Variants in SLC2A14 observed in about 807,000 individuals in gnomAD.
The protein encoded by SLC2A14 is solute carrier family 2, facilitated glucose transporter member 14.
In SLC2A14, 13 loss-of-function variants were observed where a neutral mutation model predicts 43.0. That is an observed-to-expected ratio of 0.30 (90% CI 0.20 to 0.48). The LOEUF (loss-of-function observed/expected upper bound fraction) is 0.48. Among genes scored for constraint, SLC2A14 ranks in the 20% least tolerant of loss-of-function variants. The pLI is 0.99. For missense variants in SLC2A14, 428 were observed against 620.4 expected (o/e 0.69, Z 3.29); for synonymous variants, 190 against 233.8 (o/e 0.81, Z 1.71).
upstream of SLC2A14, chr12:7,873,141 G>A: frequency 9.1e-6 from 9 of 985,716 alleles, no homozygotes; most frequent in Non-Finnish European, 1.1e-5. Context: ...GCCCCCTCAG[G>A]CGTCTTCCTG....
At chr12:7,839,416 CG>C (rs1471687676) in intron 2 of SLC2A14, among the ~76,000 whole-genome samples, 4 of 152,116 alleles carry the variant, frequency 2.6e-5, no homozygotes, top group East Asian at 3.9e-4. Flanking sequence ...TGGAGTGAAG[CG>C]GGGGCAGAGT....
At chr12:7,827,270 C>CTT (rs71038780) in intron 7 of SLC2A14, among the ~76,000 whole-genome samples, 1,346 of 99,216 alleles carry the variant, frequency 0.014, 72 homozygotes, top group African/African-American at 0.045. Flanking sequence ...TAATTTTTGT[C>CTT]TTTTTTTTTT....
chr12:7,866,547 G>T (rs772198050), intron 2 of SLC2A14, among the ~76,000 whole-genome samples: 1 of 151,916 alleles, frequency 6.6e-6, no homozygotes, highest in Non-Finnish European at 1.5e-5. Context: ...ATATTTTTTA[G>T]TAGAGACAGG....
intron 2 of SLC2A14, among the ~76,000 whole-genome samples, chr12:7,863,619 TA>T (rs1336497496): frequency 4.0e-5 from 6 of 150,634 alleles, no homozygotes; most frequent in East Asian, 3.9e-4. Flanking sequence ...GACTCCATCT[TA>T]AAAAAAAATA....
At chr12:7,846,465 GA>G (rs1272995450) in intron 2 of SLC2A14, among the ~76,000 whole-genome samples, 2 of 150,992 alleles carry the variant, frequency 1.3e-5, no homozygotes, top group African/African-American at 4.9e-5. Flanking sequence ...TCCTAAATAA[GA>G]GTGGATAATA....
upstream of SLC2A14, among the ~76,000 whole-genome samples, chr12:7,877,775 G>C (rs1027223068): frequency 6.6e-6 from 1 of 151,818 alleles, no homozygotes; most frequent in Non-Finnish European, 1.5e-5. Context: ...TATTTATTTA[G>C]AGATGAAGTC....
intron 2 of SLC2A14, among the ~76,000 whole-genome samples, chr12:7,834,549 G>C (rs1183126956): frequency 6.4e-5 from 6 of 93,362 alleles, no homozygotes; most frequent in African/African-American, 2.2e-4. Context: ...TTTTTTTTGA[G>C]ACCCCTTCTC....
In SLC2A14 at chr12:7,832,711, C is replaced by T; in HGVS notation, c.111+11G>A. 1 of 1,613,088 alleles carries T rather than the reference C, an allele frequency of 6.2e-7. No individual in the cohort carries two copies. Among genetic ancestry groups the T allele is most frequent in the South Asian group, 1.1e-5 (1 of 91,036 alleles). The stretch of plus-strand genomic sequence containing the variant: ...TATTCCAGATTCTAATTCTTGTGGC[C>T]TGGCACTCACCGTCTCAGGAGCATT... On this transcript the variant is annotated intron_variant, in intron 3 of 10. Coordinates refer to ENST00000431042, the MANE Select transcript of SLC2A14 (RefSeq NM_001286234.2).
At chr12:7,826,894 T>TTCC (rs1565508115) in intron 7 of SLC2A14, among the ~76,000 whole-genome samples, 1 of 62,040 alleles carries the variant, frequency 1.6e-5, no homozygotes, top group African/African-American at 9.2e-5. Context: ...TCTTTCTTTC[T>TTCC]TTCTTTCTTT....
upstream of SLC2A14, among the ~76,000 whole-genome samples, chr12:7,875,108 ATAT>A (rs1388856130): frequency 1.1e-4 from 14 of 132,980 alleles, no homozygotes; most frequent in African/African-American, 3.7e-4. Context: ...AAATATTTAA[ATAT>A]TATATTTAAA....
Position 7,836,957 on chromosome 12 carries a change from A to G in SLC2A14, c.19-4143T>C, listed in dbSNP as rs138394922. On this transcript the variant is annotated intron_variant, in intron 2 of 10. Coordinates refer to ENST00000431042, the MANE Select transcript of SLC2A14 (RefSeq NM_001286234.2). ...GCTGAGGCAGGTGGATCACAAGATC[A>G]GGAGTTCAAGACCAGCCGGGCCAAT... Among the ~76,000 whole-genome samples the G allele has an allele frequency of 5.3e-3, 812 of 152,174 alleles. 31 individuals are homozygous for G. In the South Asian group the frequency reaches 0.073, roughly 14 times the overall value.
chr12:7,841,368 C>G (rs1164390772), intron 2 of SLC2A14, among the ~76,000 whole-genome samples: 1 of 152,146 alleles, frequency 6.6e-6, no homozygotes, highest in African/African-American at 2.4e-5. Context: ...TTAAGCGATT[C>G]TCCTGCCTCA....
chr12:7,878,999 A>AC (rs1334661958), intron 1 of SLC2A14, among the ~76,000 whole-genome samples: 43 of 136,456 alleles, frequency 3.2e-4, no homozygotes, highest in Non-Finnish European at 5.5e-4. Context: ...AAAAAAAAAA[A>AC]AAAAAACAAT....
At chr12:7,868,870 C>T (rs943775882) in intron 2 of SLC2A14, among the ~76,000 whole-genome samples, 16 of 151,976 alleles carry the variant, frequency 1.1e-4, no homozygotes, top group Admixed American at 8.5e-4. Flanking sequence ...TTATGCCGGG[C>T]TCGTTGGCTC....
chr12:7,883,372 T>C (rs1945625640), intron 1 of SLC2A14, among the ~76,000 whole-genome samples: 2 of 147,514 alleles, frequency 1.4e-5, no homozygotes, highest in Non-Finnish European at 3.0e-5. Flanking sequence ...GTTCACGCCA[T>C]TCTCTTGCCT....
At chr12:7,860,776 C>T (rs1944504292) in intron 2 of SLC2A14, 1 of 150,218 alleles carries the variant, frequency 6.7e-6, no homozygotes. Context: ...CTGCTCCCCA[C>T]TGCACTTACT....
rs72653466 is a variant in SLC2A14, at chr12:7,887,613, T to A, written c.132+3383A>T. On this transcript the variant is annotated intron_variant, in intron 1 of 9. Transcript: ENST00000539924. ...GATAGATAGATAGATAGATAGATAG[T>A]TAGATAGATAGATAGAATGTATGTT... Among the ~76,000 whole-genome samples the A allele has an allele frequency of 6.4e-4, 55 of 86,536 alleles. 1 individual carries two copies. Among genetic ancestry groups the A allele is most frequent in the South Asian group, 2.4e-3 (5 of 2,068 alleles). The allele number at this position is 86,536 out of a possible 152,430, so 56.8% of individuals were successfully genotyped here.
exon 1 of SLC2A14, chr12:7,891,018 T>C: frequency 6.5e-7 from 1 of 1,535,150 alleles, no homozygotes; most frequent in Non-Finnish European, 8.7e-7. Flanking sequence ...GCCCCCATTC[T>C]GACTCTTCTC....
At chr12:7,844,088 A>C (rs5025503) in intron 2 of SLC2A14, among the ~76,000 whole-genome samples, 1 of 151,404 alleles carries the variant, frequency 6.6e-6, no homozygotes, top group South Asian at 2.1e-4. Flanking sequence ...ACCATTAACC[A>C]GATCAAGATC....
Sources: gnomAD v4.1 joint callset for allele counts (sites outside exome capture counted in the v4.1 genomes callset) on GRCh38, gnomAD v4.1.1 for gene constraint, MANE v1.5 for transcripts, NCBI Gene and HGNC (gene_info 2026-07-23, HGNC 2026-07-21) for gene names.